The following MYO1E variants were observed in gnomAD, a reference collection of about 807,000 sequenced individuals.
MYO1E encodes the protein myosin IE, also known as unconventional myosin-Ie.
In MYO1E, 68 loss-of-function variants were observed where a neutral mutation model predicts 151.1. That is an observed-to-expected ratio of 0.45 (90% confidence interval 0.37 to 0.55). The LOEUF (loss-of-function observed/expected upper bound fraction) is 0.55, where lower values mean the gene tolerates loss of function less well. Among genes scored for constraint, MYO1E ranks in the 20% least tolerant of loss-of-function variants. The pLI is 0.00. For synonymous variants in MYO1E, 601 were observed against 501.7 expected, an observed-to-expected ratio of 1.20 and a Z score of -2.64; for missense variants, 1,363 against 1,389.3, an observed-to-expected ratio of 0.98 and a Z score of 0.30.
At chr15:59,138,562 T>A (rs1286149284) in intron 26 of MYO1E, among the ~76,000 whole-genome samples, 195 bp from the exon 27 acceptor site, 3 of 152,190 alleles carry the variant, frequency 2.0e-5, no homozygotes, top group African/African-American at 7.2e-5. Context: ...TTGTTGCAAA[T>A]GCACATAGCT....
intron 2 of MYO1E, among the ~76,000 whole-genome samples, chr15:59,267,620 G>T (rs1412485129): frequency 6.6e-6 from 1 of 152,176 alleles, no homozygotes; most frequent in Non-Finnish European, 1.5e-5. Context: ...CCTAATTCAA[G>T]GATTAAAAAT....
intron 18 of MYO1E, among the ~76,000 whole-genome samples, chr15:59,183,718 C>T (rs2140322939): frequency 6.6e-6 from 1 of 152,244 alleles, no homozygotes; most frequent in East Asian, 1.9e-4. Context: ...TTAAAATGTA[C>T]AGTTAAATTA....
chr15:59,178,357 G>A lies in MYO1E; in HGVS notation c.2049+36C>T, dbSNP rs748806666. 3 of 1,612,362 alleles carry A rather than the reference G, an allele frequency of 1.9e-6. No homozygotes were observed. In the South Asian group the frequency reaches 3.3e-5, roughly 18 times the overall value. ...GAGCAGGGCTGGCGGGGGCCCCGCG[G>A]GAGGGAAGAGAGTGGAGAGCCAGCC... On this transcript the variant is annotated intron_variant, in intron 19 of 27. Transcript: ENST00000288235.
intron 19 of MYO1E, among the ~76,000 whole-genome samples, chr15:59,176,084 A>G (rs1318594513): frequency 2.6e-5 from 4 of 152,122 alleles, no homozygotes; most frequent in Admixed American, 6.6e-5. Flanking sequence ...TCCGAGGCAG[A>G]GTCTTGCTCT....
intron 1 of MYO1E, among the ~76,000 whole-genome samples, chr15:59,368,059 T>C (rs1461537687): frequency 4.6e-5 from 7 of 151,932 alleles, no homozygotes; most frequent in Admixed American, 3.9e-4. Context: ...GCAGAGGTTA[T>C]AGTGAACCGA....
Position 59,372,672 on chromosome 15 carries a change from C to G in MYO1E, c.-172G>C. ...GAACCCAGAGGGGACTCCATCCAGG[C>G]GGGATTGGCGGTGCTAGGTGAGGGC... On this transcript the variant is annotated 5_prime_UTR_variant, in exon 1 of 28. Coordinates refer to ENST00000288235, the MANE Select transcript of MYO1E (RefSeq NM_004998.4). The G allele has an allele frequency of 1.3e-6, 1 of 785,202 alleles. No homozygotes were observed. The highest frequency in any genetic ancestry group is 2.0e-6 in the Non-Finnish European group (1 of 510,758). 48.6% of individuals were successfully genotyped at this position (785,202 alleles called of 1,614,324 possible).
intron 23 of MYO1E, among the ~76,000 whole-genome samples, chr15:59,161,939 G>T (rs899380521): frequency 6.6e-6 from 1 of 152,178 alleles, no homozygotes; most frequent in Non-Finnish European, 1.5e-5. Flanking sequence ...CCCTCATCAT[G>T]ATATAAAGGC....
intron 1 of MYO1E, among the ~76,000 whole-genome samples, chr15:59,302,875 G>A (rs1177875801): frequency 6.6e-6 from 1 of 152,226 alleles, no homozygotes; most frequent in Non-Finnish European, 1.5e-5. Flanking sequence ...TTAAGGACTG[G>A]TAAAGCTGTC....
intron 23 of MYO1E, among the ~76,000 whole-genome samples, chr15:59,162,649 A>G (rs1405134044): frequency 7.8e-6 from 1 of 128,542 alleles, no homozygotes; most frequent in Non-Finnish European, 1.7e-5. Flanking sequence ...CCATCTCAAG[A>G]AAAAAAAAAG....
At chr15:59,267,593 G>C (rs564364469) in intron 2 of MYO1E, among the ~76,000 whole-genome samples, 1 of 152,326 alleles carries the variant, frequency 6.6e-6, no homozygotes, top group South Asian at 2.1e-4. Flanking sequence ...AGTGGGTCTG[G>C]CACGAAAATC....
chr15:59,211,543 G>A (rs753348995), intron 12 of MYO1E, among the ~76,000 whole-genome samples: 11 of 152,170 alleles, frequency 7.2e-5, no homozygotes, highest in African/African-American at 1.9e-4. Context: ...ACCTCGCCAC[G>A]GGGTTCCAGA....
At chr15:59,328,765 T>C (rs1400374810) in intron 1 of MYO1E, among the ~76,000 whole-genome samples, 1 of 152,096 alleles carries the variant, frequency 6.6e-6, no homozygotes, top group East Asian at 1.9e-4. Context: ...CCTATAGAGT[T>C]AAGCATTTAG....
chr15:59,307,286 C>G (rs1450522220), intron 1 of MYO1E, among the ~76,000 whole-genome samples: 5 of 152,196 alleles, frequency 3.3e-5, no homozygotes, highest in Non-Finnish European at 5.9e-5. Flanking sequence ...GGCTACCTCA[C>G]CAGATCCCTC....
At chr15:59,343,383 T>C (rs991793948) in intron 1 of MYO1E, among the ~76,000 whole-genome samples, 1 of 152,154 alleles carries the variant, frequency 6.6e-6, no homozygotes, top group African/African-American at 2.4e-5. Flanking sequence ...GCCAGACGTG[T>C]TGGAGCTCCA....
chr15:59,203,208 C>T (rs1335591724), intron 15 of MYO1E, among the ~76,000 whole-genome samples: 5 of 152,090 alleles, frequency 3.3e-5, no homozygotes, highest in Admixed American at 6.5e-5. Flanking sequence ...CCGAGGAGGG[C>T]GCCTCTTCTA....
chr15:59,372,838 G>C lies in MYO1E; in HGVS notation c.-338C>G, dbSNP rs1424653617. ...TCCCCTGCCTCACTCCTCTTTCTTCGGCCACTTAATCCGTACTCCTCTGGC... is the reference window on the plus strand; with the variant it reads ...TCCCCTGCCTCACTCCTCTTTCTTCCGCCACTTAATCCGTACTCCTCTGGC... On this transcript the variant is annotated 5_prime_UTR_variant, in exon 1 of 28. Coordinates refer to ENST00000288235, the MANE Select transcript of MYO1E (RefSeq NM_004998.4). The C allele has an allele frequency of 1.1e-5, 5 of 438,308 alleles. No individual in the cohort carries two copies. The highest frequency in any genetic ancestry group is 5.9e-4 in the Middle Eastern group (1 of 1,706). 27.2% of individuals were successfully genotyped at this position (438,308 alleles called of 1,614,324 possible). A position where few individuals can be genotyped will look rare whatever the true frequency, so the allele number is the denominator to read the frequency against.
intron 1 of MYO1E, among the ~76,000 whole-genome samples, chr15:59,280,110 C>A (rs2080344570): frequency 6.6e-6 from 1 of 152,092 alleles, no homozygotes; most frequent in Non-Finnish European, 1.5e-5. Flanking sequence ...TTTGTTTATT[C>A]CAGCTTGCAG....
At chr15:59,201,447 G>A (rs531704783) in intron 16 of MYO1E, among the ~76,000 whole-genome samples, 60 of 140,622 alleles carry the variant, frequency 4.3e-4, no homozygotes, top group South Asian at 2.2e-3. Context: ...TCTTGTTGCC[G>A]AGGCTGGAGT....
chr15:59,249,712 G>A (rs1404073600), intron 4 of MYO1E, among the ~76,000 whole-genome samples: 2 of 152,148 alleles, frequency 1.3e-5, no homozygotes, highest in African/African-American at 2.4e-5. Context: ...AGTCTTTCCA[G>A]CCATGCCAGA....
Sources: gnomAD v4.1 joint callset for allele counts (sites outside exome capture counted in the v4.1 genomes callset) on GRCh38, gnomAD v4.1.1 for gene constraint, MANE v1.5 for transcripts, NCBI Gene and HGNC (gene_info 2026-07-23, HGNC 2026-07-21) for gene names.